Variants in EFCAB5 observed in about 807,000 individuals in gnomAD.
EFCAB5 encodes EF-hand calcium-binding domain-containing protein 5.
Under a neutral mutation model 167.9 loss-of-function variants are expected in EFCAB5, and 131 were observed. The observed-to-expected ratio is 0.78, with a 90% CI of 0.68 to 0.90. The LOEUF is 0.90. Among genes scored for constraint, EFCAB5 ranks in the 40% least tolerant of loss-of-function variants. The pLI, the probability that EFCAB5 is intolerant of heterozygous loss-of-function variation, is 0.00. For missense variants in EFCAB5, 1,663 were observed against 1,745.2 expected, an observed-to-expected ratio of 0.95 and a Z score of 0.84; for synonymous variants, 574 against 602.8, an observed-to-expected ratio of 0.95 and a Z score of 0.70.
intron 3 of EFCAB5, among the ~76,000 whole-genome samples, chr17:29,958,082 A>G (rs1466510080): frequency 6.6e-6 from 1 of 152,066 alleles, no homozygotes; most frequent in Non-Finnish European, 1.5e-5. Flanking sequence ...TTTGTGGAGG[A>G]TTTTGCTTCA....
Position 29,968,925 on chromosome 17 carries a change from A to C in EFCAB5, c.325A>C (p.Lys109Gln). The change falls in exon 4 of 23, where the codon AAG (lysine) becomes CAG (glutamine). Residue 109 changes from lysine (K) to glutamine (Q), a missense_variant. Coordinates refer to ENST00000394835, the MANE Select transcript of EFCAB5 (RefSeq NM_198529.4). ...TTTAGATGAAACTGAACTGAAATCA[A>C]AGCCAGAGCACACATGGAAGAAAAA... ...FALDETELKS[K>Q]PEHTWKKNLF... 6.3e-7 allele frequency: 1 copy of C among 1,583,050 alleles called. No homozygotes were observed. The highest frequency in any genetic ancestry group is 8.6e-7 in the Non-Finnish European group (1 of 1,163,798).
Position 30,080,982 on chromosome 17 carries a change from G to A in EFCAB5, c.3426+1G>A. ...ACCTCATGAGATCAGATTCTATCAG[G>A]TAAGTCATAGAAGTCTTCAAGAGCG... On this transcript the variant is annotated splice_donor_variant, in intron 17 of 22. Coordinates refer to ENST00000394835, the MANE Select transcript of EFCAB5 (RefSeq NM_198529.4). LOFTEE classifies it high-confidence loss of function. 5.0e-6 allele frequency: 8 copies of A among 1,609,852 alleles called. No homozygotes were observed. Among genetic ancestry groups the A allele is most frequent in the Non-Finnish European group, 5.9e-6 (7 of 1,177,906 alleles).
chr17:30,028,998 A>T (rs1309638213), intron 7 of EFCAB5, among the ~76,000 whole-genome samples: 17 of 152,338 alleles, frequency 1.1e-4, no homozygotes, highest in African/African-American at 4.1e-4. Context: ...GGCTGTCAAC[A>T]TATTAATTTT....
At chr17:29,951,701 T>G (rs1201568115) in intron 3 of EFCAB5, among the ~76,000 whole-genome samples, 1 of 152,068 alleles carries the variant, frequency 6.6e-6, no homozygotes, top group Non-Finnish European at 1.5e-5. Flanking sequence ...ACCTTTTTTT[T>G]CAAATGAAAA....
chr17:30,106,300 T>C (rs1597582777), intron 22 of EFCAB5, among the ~76,000 whole-genome samples: 1 of 151,512 alleles, frequency 6.6e-6, no homozygotes, highest in South Asian at 2.1e-4. Flanking sequence ...TAATTATAAA[T>C]AAATAAATAA....
At chr17:29,941,632 T>G (rs2067298747), upstream of EFCAB5, 1 of 556,296 alleles carries the variant, frequency 1.8e-6, no homozygotes, top group Non-Finnish European at 3.2e-6. Flanking sequence ...AGTTGAGAAT[T>G]TATCATTCAA....
intron 6 of EFCAB5, among the ~76,000 whole-genome samples, chr17:29,996,577 T>C (rs2068548544): frequency 6.6e-6 from 1 of 152,230 alleles, no homozygotes; most frequent in Non-Finnish European, 1.5e-5. Flanking sequence ...TTATTACCAG[T>C]ACTCTGCAAT....
chr17:30,035,032 C>T (rs2069580139), intron 8 of EFCAB5, among the ~76,000 whole-genome samples: 1 of 152,122 alleles, frequency 6.6e-6, no homozygotes, highest in African/African-American at 2.4e-5. Context: ...CAAATGTAGG[C>T]AAACGATGCC....
At chr17:29,986,417 G>A (rs889698350) in intron 4 of EFCAB5, among the ~76,000 whole-genome samples, 1 of 152,134 alleles carries the variant, frequency 6.6e-6, no homozygotes, top group African/African-American at 2.4e-5. Context: ...GCTGAACATA[G>A]TGTGGCCATG....
intron 4 of EFCAB5, among the ~76,000 whole-genome samples, chr17:29,986,785 C>A (rs889591105): frequency 2.6e-5 from 4 of 151,394 alleles, no homozygotes; most frequent in Non-Finnish European, 4.4e-5. Flanking sequence ...GCAGCTGGGA[C>A]TATAGGCACC....
chr17:29,956,238 A>G (rs2067612611), intron 3 of EFCAB5, among the ~76,000 whole-genome samples: 3 of 152,262 alleles, frequency 2.0e-5, no homozygotes, highest in Admixed American at 6.5e-5. Context: ...GCAATGAATA[A>G]CAACTGTTAA....
At chr17:30,047,848 T>G (rs2069971415) in intron 8 of EFCAB5, among the ~76,000 whole-genome samples, 1 of 152,132 alleles carries the variant, frequency 6.6e-6, no homozygotes, top group Non-Finnish European at 1.5e-5. Flanking sequence ...CAGACTTAAG[T>G]CAGTTGGTAT....
At chr17:30,080,284 AT>A (rs1469841330) in intron 16 of EFCAB5, 43 bp downstream of exon 16, 1 of 1,488,514 alleles carries the variant, frequency 6.7e-7, no homozygotes, top group Non-Finnish European at 8.9e-7. Flanking sequence ...TCCTAAAAAA[AT>A]AATTCCCTTT....
chr17:29,997,385 G>A (rs1316794579), intron 6 of EFCAB5, among the ~76,000 whole-genome samples: 3 of 151,860 alleles, frequency 2.0e-5, no homozygotes, highest in African/African-American at 4.8e-5. Context: ...TATAAGAGAA[G>A]TAAAATTATA....
chr17:30,102,372 T>C (rs1366011371), intron 22 of EFCAB5, among the ~76,000 whole-genome samples: 1 of 152,074 alleles, frequency 6.6e-6, no homozygotes, highest in Non-Finnish European at 1.5e-5. Context: ...CTTTTATTAA[T>C]TAATTAATTA....
chr17:30,034,149 C>A (rs1191593934), intron 7 of EFCAB5, 81 bp from the exon 8 acceptor site: 2 of 1,466,782 alleles, frequency 1.4e-6, no homozygotes, highest in East Asian at 2.3e-5. Flanking sequence ...GTATTTCATG[C>A]ACATTGGTTG....
chr17:29,997,950 A>C (rs568214052), intron 6 of EFCAB5, among the ~76,000 whole-genome samples: 42 of 151,734 alleles, frequency 2.8e-4, no homozygotes, highest in African/African-American at 6.5e-4. Flanking sequence ...AAAAAAAAAA[A>C]CCTCACTTGT....
chr17:30,096,633 C>T (rs2071290890), intron 22 of EFCAB5, among the ~76,000 whole-genome samples: 1 of 140,010 alleles, frequency 7.1e-6, no homozygotes, highest in Non-Finnish European at 1.5e-5. Context: ...GCTGTTAAAA[C>T]TGTCTTTTAT....
At chr17:29,947,916 C>A (rs887309560) in intron 3 of EFCAB5, among the ~76,000 whole-genome samples, 4 of 152,160 alleles carry the variant, frequency 2.6e-5, no homozygotes, top group African/African-American at 7.2e-5. Context: ...ACCTCCGCCT[C>A]CCGAGTTCAA....
Sources: gnomAD v4.1 joint callset for allele counts (sites outside exome capture counted in the v4.1 genomes callset) on GRCh38, gnomAD v4.1.1 for gene constraint, MANE v1.5 for transcripts, NCBI Gene and HGNC (gene_info 2026-07-23, HGNC 2026-07-21) for gene names.